The following ASTN1 variants were observed in gnomAD, a reference collection of about 807,000 sequenced individuals.
ASTN1 encodes astrotactin 1, also known as astrotactin-1.
A neutral mutation model predicts 140.7 loss-of-function variants in ASTN1; 41 were observed. The ratio of observed to expected loss-of-function variants is 0.29; its 90% CI spans 0.23 to 0.38. ASTN1 has a LOEUF of 0.38. ASTN1 is among the 10% of genes least tolerant of loss of function. ASTN1 has a pLI of 1.00. For missense variants in ASTN1, 1,479 were observed against 1,678.8 expected, an observed-to-expected ratio of 0.88 and a Z score of 2.08; for synonymous variants, 640 against 652.2, an observed-to-expected ratio of 0.98 and a Z score of 0.29.
At chr1:176,867,828 G>A (rs551115171) in intron 22 of ASTN1, among the ~76,000 whole-genome samples, 2 of 152,348 alleles carry the variant, frequency 1.3e-5, no homozygotes, top group Admixed American at 1.3e-4. Context: ...TGGATGGGAT[G>A]ACTTTTGTAT....
At chr1:176,983,816 C>T (rs961810613) in intron 8 of ASTN1, among the ~76,000 whole-genome samples, 10 of 152,200 alleles carry the variant, frequency 6.6e-5, no homozygotes, top group South Asian at 2.1e-4. Flanking sequence ...AATGTATTCG[C>T]GCTGACCTTG....
intron 8 of ASTN1, among the ~76,000 whole-genome samples, chr1:177,005,242 T>C (rs963071125): frequency 4.6e-5 from 7 of 152,178 alleles, no homozygotes; most frequent in African/African-American, 1.4e-4. Context: ...TCAACATTAT[T>C]AATCATCGGG....
chr1:177,141,124 G>A (rs1197852142), intron 1 of ASTN1, among the ~76,000 whole-genome samples: 2 of 152,192 alleles, frequency 1.3e-5, no homozygotes, highest in African/African-American at 4.8e-5. Flanking sequence ...GCTGAGGCAG[G>A]AGAATCGCTT....
chr1:176,992,282 A>T (rs1674219029), intron 8 of ASTN1, among the ~76,000 whole-genome samples: 2 of 152,300 alleles, frequency 1.3e-5, no homozygotes, highest in Non-Finnish European at 2.9e-5. Flanking sequence ...CCTGGCATCC[A>T]ACACAGGACC....
At chr1:177,042,071 C>T (rs538352013) in intron 2 of ASTN1, among the ~76,000 whole-genome samples, 15 of 152,290 alleles carry the variant, frequency 9.8e-5, no homozygotes, top group African/African-American at 3.6e-4. Context: ...ACATATTCAT[C>T]AGTATCACTA....
At chr1:177,029,952 G>A (rs1272905767) in intron 4 of ASTN1, among the ~76,000 whole-genome samples, 1 of 152,146 alleles carries the variant, frequency 6.6e-6, no homozygotes, top group East Asian at 1.9e-4. Flanking sequence ...GCTCTACCCT[G>A]CCCCACCCAC....
chr1:177,086,113 A>G (rs1358253155), intron 1 of ASTN1, among the ~76,000 whole-genome samples: 2 of 152,044 alleles, frequency 1.3e-5, no homozygotes, highest in Non-Finnish European at 2.9e-5. Flanking sequence ...CTGATCCAGG[A>G]TTTCTCTGCG....
At chr1:176,916,115 C>G (rs1670468591) in intron 16 of ASTN1, among the ~76,000 whole-genome samples, 1 of 152,174 alleles carries the variant, frequency 6.6e-6, no homozygotes, top group Non-Finnish European at 1.5e-5. Context: ...GACCCTTTCT[C>G]TTGTGCTAGG....
chr1:177,085,056 A>C (rs962556128), intron 1 of ASTN1, among the ~76,000 whole-genome samples: 68 of 152,172 alleles, frequency 4.5e-4, no homozygotes, highest in African/African-American at 1.6e-3. Context: ...CCAGGAAAGG[A>C]ATGGAATAAC....
intron 16 of ASTN1, among the ~76,000 whole-genome samples, chr1:176,909,983 G>A (rs889755279): frequency 1.3e-5 from 2 of 152,160 alleles, no homozygotes; most frequent in African/African-American, 4.8e-5. Context: ...GCCTAGTCTA[G>A]AGTCAAACAA....
At chr1:176,992,436 C>T (rs540610685) in intron 8 of ASTN1, among the ~76,000 whole-genome samples, 3 of 151,598 alleles carry the variant, frequency 2.0e-5, no homozygotes, top group African/African-American at 7.3e-5. Context: ...TTGCCTTGAA[C>T]GTTGTAAAAA....
At position 176,934,341 on chromosome 1, in the gene ASTN1, C is replaced by T; in HGVS notation, c.2483-1G>A. On this transcript the variant is annotated splice_acceptor_variant, in intron 15 of 22. Transcript: ENST00000361833. LOFTEE classifies it high-confidence loss of function. Reference sequence around the variant, plus strand: ...AGCGAGTGGAGAGCATTGCTGAGGGCTATGGAGAGGCATCACCCAAGGGTA... The same window carrying T: ...AGCGAGTGGAGAGCATTGCTGAGGGTTATGGAGAGGCATCACCCAAGGGTA... 1 of 1,602,642 alleles carries T rather than the reference C, an allele frequency of 6.2e-7. No homozygotes were observed. The highest frequency in any genetic ancestry group is 8.5e-7 in the Non-Finnish European group (1 of 1,170,630).
intron 3 of ASTN1, among the ~76,000 whole-genome samples, chr1:177,031,901 G>T (rs1676462736): frequency 6.6e-6 from 1 of 152,132 alleles, no homozygotes; most frequent in African/African-American, 2.4e-5. Context: ...GATACACAAT[G>T]CATCTGGGGT....
chr1:176,980,408 G>A (rs999958768), intron 8 of ASTN1, among the ~76,000 whole-genome samples: 1 of 152,082 alleles, frequency 6.6e-6, no homozygotes, highest in Non-Finnish European at 1.5e-5. Flanking sequence ...AGAAGAGTTC[G>A]ATGCTGCTGG....
chr1:176,948,669 C>A (rs912667758), intron 12 of ASTN1, among the ~76,000 whole-genome samples: 2 of 152,146 alleles, frequency 1.3e-5, no homozygotes, highest in African/African-American at 4.8e-5. Context: ...AAGGGCTCTT[C>A]ACACGGAGGA....
intron 1 of ASTN1, among the ~76,000 whole-genome samples, chr1:177,122,773 C>T (rs1410597536): frequency 6.6e-6 from 1 of 152,144 alleles, no homozygotes; most frequent in Non-Finnish European, 1.5e-5. Context: ...AGGAATTATC[C>T]TCCTTATTTC....
intron 8 of ASTN1, among the ~76,000 whole-genome samples, chr1:176,970,731 G>GGT (rs10642697): frequency 0.6 from 87,518 of 146,920 alleles, 27,054 homozygotes; most frequent in South Asian, 0.78. Context: ...TGTGGGTATG[G>GGT]GTGTGTGTGT....
chr1:176,934,044 T>G, intron 16 of ASTN1, 108 bp downstream of exon 16: 2 of 1,205,204 alleles, frequency 1.7e-6, no homozygotes, highest in Non-Finnish European at 2.2e-6. Context: ...TAGGGGAAAA[T>G]CTGATTGAGT....
intron 8 of ASTN1, among the ~76,000 whole-genome samples, chr1:176,985,382 C>CCCCTCTTA (rs1673843115): frequency 6.6e-6 from 1 of 152,086 alleles, no homozygotes; most frequent in South Asian, 2.1e-4. Flanking sequence ...CCGCTTGTCT[C>CCCCTCTTA]CCCTCTTACG....
Sources: gnomAD v4.1 joint callset for allele counts (sites outside exome capture counted in the v4.1 genomes callset) on GRCh38, gnomAD v4.1.1 for gene constraint, MANE v1.5 for transcripts, NCBI Gene and HGNC (gene_info 2026-07-23, HGNC 2026-07-21) for gene names.